Variants in ADK observed in about 807,000 individuals in gnomAD.
The protein encoded by ADK is adenosine kinase.
ADK carries 24 observed loss-of-function variants against 44.7 expected under a neutral mutation model. That is an observed-to-expected ratio of 0.54 (90% CI 0.39 to 0.76). ADK has a LOEUF of 0.76. ADK is among the 30% of genes least tolerant of loss of function. ADK has a pLI of 0.00. For missense variants in ADK, 321 were observed against 425.1 expected, an observed-to-expected ratio of 0.76 and a Z score of 2.15; for synonymous variants, 128 against 142.6, an observed-to-expected ratio of 0.90 and a Z score of 0.73.
At chr10:74,292,831 T>A (rs1839668944) in intron 3 of ADK, among the ~76,000 whole-genome samples, 1 of 152,164 alleles carries the variant, frequency 6.6e-6, no homozygotes, top group Non-Finnish European at 1.5e-5. Context: ...TTTGCCTAGA[T>A]TTTTGCAGTA....
At chr10:74,198,071 TA>T (rs1247137897) in intron 1 of ADK, among the ~76,000 whole-genome samples, 2 of 152,144 alleles carry the variant, frequency 1.3e-5, no homozygotes, top group Non-Finnish European at 2.9e-5. Context: ...TGAAGGAAAA[TA>T]AAAAACCAAG....
intron 6 of ADK, among the ~76,000 whole-genome samples, chr10:74,438,257 C>T (rs1291924613): frequency 6.6e-6 from 1 of 151,154 alleles, no homozygotes; most frequent in African/African-American, 2.4e-5. Context: ...AGACAGTCTC[C>T]CCTGTCACCC....
chr10:74,267,939 G>T (rs2132398260), intron 3 of ADK, among the ~76,000 whole-genome samples: 1 of 152,154 alleles, frequency 6.6e-6, no homozygotes, highest in African/African-American at 2.4e-5. Flanking sequence ...GTGTTGAAGG[G>T]ATGATTCCCC....
chr10:74,238,657 C>G (rs753206665), intron 3 of ADK, among the ~76,000 whole-genome samples: 2 of 152,186 alleles, frequency 1.3e-5, no homozygotes, highest in Admixed American at 1.3e-4. Flanking sequence ...TGAAAGGGAA[C>G]CTGCAAAGTT....
chr10:74,371,468 C>T, intron 4 of ADK: 2 of 650,840 alleles, frequency 3.1e-6, no homozygotes, highest in South Asian at 3.5e-5. Flanking sequence ...TTTCACACTA[C>T]CCACATAGAC....
At chr10:74,457,865 CAG>C (rs1846011982) in intron 6 of ADK, among the ~76,000 whole-genome samples, 1 of 151,962 alleles carries the variant, frequency 6.6e-6, no homozygotes, top group Non-Finnish European at 1.5e-5. Flanking sequence ...TGGGGCCTGT[CAG>C]GGGGTAGGGG....
At chr10:74,437,965 C>G (rs1050116337) in intron 6 of ADK, among the ~76,000 whole-genome samples, 2 of 152,182 alleles carry the variant, frequency 1.3e-5, no homozygotes, top group African/African-American at 4.8e-5. Flanking sequence ...ATGCTCTTCA[C>G]TGTTTTCTAA....
At chr10:74,604,874 G>A (rs1158113465) in intron 9 of ADK, among the ~76,000 whole-genome samples, 7 of 152,096 alleles carry the variant, frequency 4.6e-5, no homozygotes, top group South Asian at 4.1e-4. Flanking sequence ...CTTCCTATCC[G>A]TGAGCATGGA....
chr10:74,511,553 T>A (rs960897183), intron 6 of ADK, among the ~76,000 whole-genome samples: 2 of 152,186 alleles, frequency 1.3e-5, no homozygotes, highest in Non-Finnish European at 2.9e-5. Flanking sequence ...TTTATTTTCT[T>A]TTCTAGCTAT....
chr10:74,239,807 T>G (rs1014507854), intron 3 of ADK, among the ~76,000 whole-genome samples: 1 of 150,996 alleles, frequency 6.6e-6, no homozygotes, highest in Admixed American at 6.6e-5. Flanking sequence ...GTTCTAATAC[T>G]CAATATGTAA....
chr10:74,182,205 C>G (rs1842584186), intron 1 of ADK, among the ~76,000 whole-genome samples: 1 of 151,948 alleles, frequency 6.6e-6, no homozygotes, highest in Admixed American at 6.5e-5. Flanking sequence ...TCATTTTTAC[C>G]TGTGTTTTTA....
chr10:74,171,808 CTCTGTGTGTGTGTGTG>C (rs1054145606), intron 1 of ADK, among the ~76,000 whole-genome samples: 8 of 142,534 alleles, frequency 5.6e-5, no homozygotes, highest in Non-Finnish European at 1.2e-4. Flanking sequence ...CTCTCTGTCT[CTCTGTGTGTGTGTGTG>C]TGTGTGTGTG....
At chr10:74,153,412 G>T (rs947973189) in intron 1 of ADK, among the ~76,000 whole-genome samples, 1 of 152,212 alleles carries the variant, frequency 6.6e-6, no homozygotes, top group South Asian at 2.1e-4. Flanking sequence ...CGGTGTTGAG[G>T]TTGAGAAATC....
At chr10:74,241,021 A>C (rs1326388265) in intron 3 of ADK, among the ~76,000 whole-genome samples, 1 of 152,234 alleles carries the variant, frequency 6.6e-6, no homozygotes, top group African/African-American at 2.4e-5. Context: ...CTATAAAACA[A>C]AACTTATCAG....
intron 3 of ADK, among the ~76,000 whole-genome samples, chr10:74,268,019 T>A (rs1846282204): frequency 6.6e-6 from 1 of 152,128 alleles, no homozygotes; most frequent in Admixed American, 6.6e-5. Flanking sequence ...TTTAAGGAAG[T>A]CATCTTAAAG....
At chr10:74,641,885 G>A (rs950318638) in intron 9 of ADK, 2 of 152,238 alleles carry the variant, frequency 1.3e-5, no homozygotes, top group Non-Finnish European at 2.9e-5. Context: ...GACAGCTATA[G>A]CCCTTAATCT....
intron 7 of ADK, among the ~76,000 whole-genome samples, chr10:74,560,389 A>G (rs1055908224): frequency 3.3e-5 from 5 of 152,224 alleles, no homozygotes; most frequent in African/African-American, 4.8e-5. Flanking sequence ...CACTTACAGA[A>G]GCTAATCATT....
At chr10:74,689,249 AAAATAAATAAATAAAT>A (rs751466168) in intron 10 of ADK, among the ~76,000 whole-genome samples, 3 of 151,874 alleles carry the variant, frequency 2.0e-5, no homozygotes, top group African/African-American at 7.3e-5. Context: ...ACTCTATCTC[AAAATAAATAAATAAAT>A]AAATAAATAA....
intron 10 of ADK, among the ~76,000 whole-genome samples, chr10:74,697,707 G>A (rs531606853): frequency 4.6e-5 from 7 of 152,022 alleles, no homozygotes; most frequent in Non-Finnish European, 8.8e-5. Flanking sequence ...TAAGGCTTCC[G>A]TACCCACTGA....
Sources: allele counts gnomAD v4.1 joint callset (sites outside exome capture counted in the v4.1 genomes callset), GRCh38; gene constraint gnomAD v4.1.1; transcripts MANE v1.5; gene names NCBI Gene and HGNC (gene_info 2026-07-23, HGNC 2026-07-21).